The following FBXO4 variants were observed in gnomAD, a reference collection of about 807,000 sequenced individuals.
FBXO4 encodes the protein F-box protein 4.
FBXO4 carries 36 observed loss-of-function variants against 43.7 expected under a neutral mutation model. The ratio of observed to expected loss-of-function variants is 0.82; its 90% CI spans 0.63 to 1.09. The LOEUF (loss-of-function observed/expected upper bound fraction) is 1.09, where lower values mean the gene tolerates loss of function less well. FBXO4 is among the 50% of genes least tolerant of loss of function. The pLI, the probability that FBXO4 is intolerant of heterozygous loss-of-function variation, is 0.00. For synonymous variants in FBXO4, 180 were observed against 165.6 expected (o/e 1.09, Z -0.67); for missense variants, 435 against 474.1 (o/e 0.92, Z 0.77).
Position 41,932,881 on chromosome 5 carries a change from C to T in FBXO4, c.647-1065C>T, listed in dbSNP as rs542402133. On this transcript the variant is annotated intron_variant, in intron 3 of 6. Transcript: ENST00000281623. ...GAGGAGGCAAAAGGAGAACCAGCCA[C>T]TTAGTGTTAACACAGTCCAAGGAGG... Among the ~76,000 whole-genome samples the T allele has an allele frequency of 2.0e-5, 3 of 152,228 alleles. No individual in the cohort carries two copies. The East Asian group carries it at 5.8e-4, about 29-fold the overall frequency.
At chr5:41,999,970 C>T in the FBXO4 span, among the ~76,000 whole-genome samples, 1 of 152,008 alleles carries the variant, frequency 6.6e-6, no homozygotes, top group South Asian at 2.1e-4. Context: ...CCCAACATTT[C>T]CCCATTTCCC....
At chr5:41,944,257 A>G (rs1026733033), downstream of FBXO4, among the ~76,000 whole-genome samples, 1 of 152,242 alleles carries the variant, frequency 6.6e-6, no homozygotes, top group East Asian at 1.9e-4. Context: ...TGCAATTAAA[A>G]TAAGCGTTTA....
the FBXO4 span, among the ~76,000 whole-genome samples, chr5:41,956,373 GTTGAAC>G: frequency 9.8e-5 from 15 of 152,296 alleles, no homozygotes; most frequent in Middle Eastern, 3.4e-3. Flanking sequence ...ATAAATGATT[GTTGAAC>G]TTGAAGATGC....
chr5:41,962,689 G>T, the FBXO4 span, among the ~76,000 whole-genome samples: 1 of 152,052 alleles, frequency 6.6e-6, no homozygotes, highest in African/African-American at 2.4e-5. Flanking sequence ...CCTTGTACTG[G>T]GTGTGAAGTT....
the FBXO4 span, among the ~76,000 whole-genome samples, chr5:42,001,567 C>T: frequency 6.6e-6 from 1 of 152,294 alleles, no homozygotes; most frequent in South Asian, 2.1e-4. Flanking sequence ...ATTTCTTTCA[C>T]AGTGTTTTAT....
the FBXO4 span, among the ~76,000 whole-genome samples, chr5:42,024,565 C>T: frequency 6.6e-5 from 10 of 151,332 alleles, no homozygotes; most frequent in Admixed American, 4.0e-4. Flanking sequence ...CAAACAATCC[C>T]GTTAATTCTT....
chr5:41,984,912 G>T, the FBXO4 span, among the ~76,000 whole-genome samples: 7 of 152,102 alleles, frequency 4.6e-5, no homozygotes, highest in African/African-American at 1.7e-4. Context: ...AGTGTATTAG[G>T]TATTTTTCCT....
chr5:41,966,100 G>A, the FBXO4 span, among the ~76,000 whole-genome samples: 3 of 152,076 alleles, frequency 2.0e-5, no homozygotes, highest in African/African-American at 7.2e-5. Context: ...TGAACAATGA[G>A]AACACATGGA....
intron 2 of FBXO4, among the ~76,000 whole-genome samples, chr5:41,927,564 G>A (rs1346793128): frequency 2.0e-5 from 3 of 152,100 alleles, no homozygotes; most frequent in African/African-American, 2.4e-5. Context: ...ATACTTTTCC[G>A]TATTCAGAAA....
rs1751621011 is a variant in FBXO4, at chr5:41,929,735, AAT to A, written c.465_466del (p.Lys155AsnfsTer21). Reference sequence around the variant, plus strand: ...TGTCCATACACAAGAAGAGCTTCAAAATCCAGCCGTCCTATGTATGGAGCTGT... The same window carrying A: ...TGTCCATACACAAGAAGAGCTTCAAACCAGCCGTCCTATGTATGGAGCTGT... On this transcript the variant is annotated frameshift_variant, in exon 3 of 7. Transcript: ENST00000281623. LOFTEE classifies it high-confidence loss of function. 1 of 1,613,076 alleles carries A rather than the reference AAT, an allele frequency of 6.2e-7. No homozygotes were observed. The highest frequency in any genetic ancestry group is 8.5e-7 in the Non-Finnish European group (1 of 1,179,662).
the FBXO4 span, chr5:41,951,492 C>A: frequency 4.1e-6 from 1 of 246,320 alleles, no homozygotes; most frequent in South Asian, 5.1e-5. Flanking sequence ...GCAGTGAACT[C>A]AGGTGCTGAA....
chr5:42,005,781 A>G, the FBXO4 span, among the ~76,000 whole-genome samples: 823 of 152,038 alleles, frequency 5.4e-3, 6 homozygotes, highest in Non-Finnish European at 7.7e-3. Flanking sequence ...TTTTAAACTC[A>G]TTTCTATTTA....
the FBXO4 span, among the ~76,000 whole-genome samples, chr5:42,004,052 AGGATGAGTTCATGTCCTTTGTAGGGACAT>A: frequency 6.6e-6 from 1 of 152,210 alleles, no homozygotes; most frequent in African/African-American, 2.4e-5. Context: ...GCCATGAAAA[AGGATGAGTTCATGTCCTTTGTAGGGACAT>A]GGATGAAGCT....
At chr5:41,954,145 T>C in the FBXO4 span, among the ~76,000 whole-genome samples, 1 of 152,174 alleles carries the variant, frequency 6.6e-6, no homozygotes. Context: ...AATTTTCAGT[T>C]CCTACAATTT....
At chr5:41,998,395 G>A in the FBXO4 span, among the ~76,000 whole-genome samples, 1 of 152,246 alleles carries the variant, frequency 6.6e-6, no homozygotes, top group Non-Finnish European at 1.5e-5. Flanking sequence ...GGATGAGTAG[G>A]TCTAAAGTCA....
chr5:41,947,051 T>C, the FBXO4 span, among the ~76,000 whole-genome samples: 1 of 152,238 alleles, frequency 6.6e-6, no homozygotes, highest in Non-Finnish European at 1.5e-5. Context: ...GCTAATACTA[T>C]TGTATTGAAT....
intron 1 of FBXO4, among the ~76,000 whole-genome samples, chr5:41,926,031 A>C (rs1032266559): frequency 6.6e-6 from 1 of 152,204 alleles, no homozygotes; most frequent in Non-Finnish European, 1.5e-5. Context: ...CTTAAGTTAC[A>C]AGTGCCTCAA....
intron 2 of FBXO4, chr5:41,928,646 T>C (rs147092930): frequency 2.4e-4 from 36 of 152,660 alleles, no homozygotes; most frequent in Middle Eastern, 3.3e-3. Context: ...CCCTGAGTTA[T>C]TTCTGTTGCT....
chr5:42,035,000 T>C, the FBXO4 span, among the ~76,000 whole-genome samples: 3 of 151,774 alleles, frequency 2.0e-5, no homozygotes, highest in African/African-American at 7.2e-5. Flanking sequence ...GGTATGTTTT[T>C]CCATTTGTTT....
Sources: gnomAD v4.1 joint callset for allele counts (sites outside exome capture counted in the v4.1 genomes callset) on GRCh38, gnomAD v4.1.1 for gene constraint, MANE v1.5 for transcripts, NCBI Gene and HGNC (gene_info 2026-07-23, HGNC 2026-07-21) for gene names.